Variants in EHHADH observed in about 807,000 individuals in gnomAD.
The protein encoded by EHHADH is enoyl-CoA hydratase and 3-hydroxyacyl CoA dehydrogenase.
Under a neutral mutation model 64.4 loss-of-function variants are expected in EHHADH, and 48 were observed. The ratio of observed to expected loss-of-function variants is 0.75; its 90% CI spans 0.59 to 0.95. The LOEUF is 0.95. Among genes scored for constraint, EHHADH ranks in the 40% least tolerant of loss-of-function variants. The probability of loss-of-function intolerance (pLI) is 0.00; values close to 1 mark genes in which losing one functional copy is unlikely to be tolerated. For missense variants in EHHADH, 854 were observed against 876.6 expected, an observed-to-expected ratio of 0.97 and a Z score of 0.33; for synonymous variants, 308 against 326.7, an observed-to-expected ratio of 0.94 and a Z score of 0.62.
At chr3:185,235,547 A>G in intron 2 of EHHADH, 85 bp from the exon 3 acceptor site, 1 of 1,129,604 alleles carries the variant, frequency 8.9e-7, no homozygotes. Flanking sequence ...ATACTCTTTA[A>G]AAAATTAATT....
intron 2 of EHHADH, among the ~76,000 whole-genome samples, chr3:185,237,574 T>A (rs1719330839): frequency 6.6e-6 from 1 of 152,298 alleles, no homozygotes; most frequent in Middle Eastern, 3.4e-3. Context: ...TTAATGCACG[T>A]CAAATGTTAT....
chr3:185,236,178 CAT>C (rs1298201257), intron 2 of EHHADH, among the ~76,000 whole-genome samples: 4 of 152,162 alleles, frequency 2.6e-5, no homozygotes, highest in South Asian at 2.1e-4. Context: ...TTTTTTTCCA[CAT>C]GTGTGAGCGA....
At chr3:185,239,625 C>A (rs1719393799) in intron 2 of EHHADH, among the ~76,000 whole-genome samples, 2 of 151,980 alleles carry the variant, frequency 1.3e-5, no homozygotes. Flanking sequence ...TTTGTACATT[C>A]ATTTTGTATC....
chr3:185,244,744 T>C (rs1351192758), intron 2 of EHHADH, among the ~76,000 whole-genome samples: 1 of 152,066 alleles, frequency 6.6e-6, no homozygotes, highest in African/African-American at 2.4e-5. Flanking sequence ...CTAGAAACCA[T>C]AAGAAGCTAG....
intron 3 of EHHADH, 46 bp from the exon 4 acceptor site, chr3:185,229,589 G>C (rs969921849): frequency 8.0e-7 from 1 of 1,243,742 alleles, no homozygotes; most frequent in Non-Finnish European, 1.1e-6. Context: ...GAGATGGTAT[G>C]TTCAGAGTTA....
intron 4 of EHHADH, among the ~76,000 whole-genome samples, chr3:185,219,521 G>T (rs1250706303): frequency 6.6e-6 from 1 of 152,220 alleles, no homozygotes; most frequent in Non-Finnish European, 1.5e-5. Flanking sequence ...AGGAGATATA[G>T]AAGTTTGATG....
rs536923893 is a variant in EHHADH at position 185,191,987 on chromosome 3, T to C, written c.*239A>G. On this transcript the variant is annotated 3_prime_UTR_variant, in exon 7 of 7. Coordinates refer to ENST00000231887, the MANE Select transcript of EHHADH (RefSeq NM_001966.4). ...CCTGAGCCTCTTTCATTAGCTATTA[T>C]GGTATTATATTCACACAAGTTCATG... The C allele has an allele frequency of 3.2e-5, 16 of 496,806 alleles. No individual in the cohort carries two copies. The highest frequency in any genetic ancestry group is 4.2e-5 in the Non-Finnish European group (12 of 284,440). The allele number at this position is 496,806 out of a possible 1,614,324, so 30.8% of individuals were successfully genotyped here. A position where few individuals can be genotyped will look rare whatever the true frequency, so the allele number is the denominator to read the frequency against.
chr3:185,212,413 G>A (rs1303277408), intron 5 of EHHADH, among the ~76,000 whole-genome samples: 4 of 152,186 alleles, frequency 2.6e-5, no homozygotes, highest in African/African-American at 9.7e-5. Flanking sequence ...CCCAAATTGC[G>A]TTTTAGGTAT....
intron 6 of EHHADH, 89 bp downstream of exon 6, chr3:185,204,327 T>C (rs1718318370): frequency 8.2e-7 from 1 of 1,221,702 alleles, no homozygotes; most frequent in East Asian, 2.4e-5. Context: ...GTGTCTTACG[T>C]GAAACCTAGC....
At chr3:185,226,183 G>A (rs1718968057) in intron 4 of EHHADH, among the ~76,000 whole-genome samples, 1 of 152,192 alleles carries the variant, frequency 6.6e-6, no homozygotes, top group African/African-American at 2.4e-5. Context: ...GATGGCATGT[G>A]ACTCTAACGG....
At chr3:185,220,227 G>A (rs1718796672) in intron 4 of EHHADH, among the ~76,000 whole-genome samples, 1 of 152,206 alleles carries the variant, frequency 6.6e-6, no homozygotes, top group Non-Finnish European at 1.5e-5. Flanking sequence ...AAAATTGGAA[G>A]AGTACCACTA....
chr3:185,226,168 GA>G (rs1718967902), intron 4 of EHHADH, among the ~76,000 whole-genome samples: 1 of 152,172 alleles, frequency 6.6e-6, no homozygotes, highest in Non-Finnish European at 1.5e-5. Context: ...GGAGAGTTTA[GA>G]AAAGATGGCA....
intron 5 of EHHADH, among the ~76,000 whole-genome samples, chr3:185,205,805 T>C (rs180812373): frequency 6.6e-6 from 1 of 152,214 alleles, no homozygotes; most frequent in East Asian, 1.9e-4. Context: ...TGCATTTTTA[T>C]TCAAAGTCTC....
chr3:185,192,880 A>G lies in EHHADH; in HGVS notation c.1518T>C (p.Asp506=). 6.2e-7 allele frequency: 1 copy of G among 1,614,168 alleles called. No individual in the cohort carries two copies. Among genetic ancestry groups the G allele is most frequent in the Non-Finnish European group, 8.5e-7 (1 of 1,180,034 alleles). The change falls in exon 7 of 7, where the codon GAT becomes GAC. Residue 506 remains aspartate (D), a synonymous_variant. Transcript: ENST00000231887. ...TAAAACCAAACTCTTCCAGCACCTG[A>G]TCTACCTCCTCTGGTTTGCTGCCTT... The part of the protein sequence containing the change: ...LEEGSKPEEV[D]QVLEEFGFKM...
At position 185,235,424 on chromosome 3, in the gene EHHADH, C is replaced by T; in HGVS notation, c.217G>A (p.Gly73Ser). The change falls in exon 3 of 7, where the codon GGC becomes AGC. Residue 73 changes from glycine (G) to serine (S), a missense_variant. Physicochemically the swap from Gly to Ser is moderately conservative, Grantham distance 56 (BLOSUM62 0). Transcript: ENST00000231887. ...TCTACTACATGTCCCAGTGTAAGGC[C>T]AAATGTCCTAGGAGCACTGAAGCCA... ...IRGFSAPRTF[G>S]LTLGHVVDEI... The T allele has an allele frequency of 1.2e-6, 2 of 1,613,424 alleles. No homozygotes were observed. Among genetic ancestry groups the T allele is most frequent in the Non-Finnish European group, 1.7e-6 (2 of 1,179,754 alleles).
At position 185,235,278 on chromosome 3, in the gene EHHADH, C is replaced by A. The variant is rs1298292792; in HGVS notation, c.351+12G>T. ...CCACACACCAGCCACTATATAGAGCCTTGGTTGTTACCTCTGCGTGGGCAA... is the reference window on the plus strand; with the variant it reads ...CCACACACCAGCCACTATATAGAGCATTGGTTGTTACCTCTGCGTGGGCAA... On this transcript the variant is annotated intron_variant, in intron 3 of 6. Transcript: ENST00000231887. 13 of 1,604,456 alleles carry A rather than the reference C, an allele frequency of 8.1e-6. No individual in the cohort carries two copies. The Admixed American group carries it at 1.9e-4, about 23-fold the overall frequency.
intron 1 of EHHADH, chr3:185,253,708 C>A: frequency 1.1e-6 from 1 of 883,394 alleles, no homozygotes; most frequent in Admixed American, 3.7e-5. Flanking sequence ...GTTTCCTTAT[C>A]AGTAAAACGG....
chr3:185,220,095 T>C (rs1718794607), intron 4 of EHHADH, among the ~76,000 whole-genome samples: 1 of 152,112 alleles, frequency 6.6e-6, no homozygotes, highest in Non-Finnish European at 1.5e-5. Flanking sequence ...AAATGGGACA[T>C]GGAAACCTGG....
intron 2 of EHHADH, among the ~76,000 whole-genome samples, chr3:185,237,137 G>A (rs529830463): frequency 3.9e-4 from 59 of 152,196 alleles, no homozygotes; most frequent in Admixed American, 7.9e-4. Context: ...AAAAACCAAA[G>A]CACAAACAGT....
Sources: allele counts gnomAD v4.1 joint callset (sites outside exome capture counted in the v4.1 genomes callset), GRCh38; gene constraint gnomAD v4.1.1; transcripts MANE v1.5; gene names NCBI Gene and HGNC (gene_info 2026-07-23, HGNC 2026-07-21).